The following USP34 variants were observed in gnomAD, a reference collection of about 807,000 sequenced individuals.
USP34 encodes the protein ubiquitin specific peptidase 34.
In USP34, 70 loss-of-function variants were observed where a neutral mutation model predicts 460.3. The ratio of observed to expected loss-of-function variants is 0.15; its 90% CI spans 0.13 to 0.19. USP34 has a LOEUF of 0.19. Among genes scored for constraint, USP34 ranks in the 10% least tolerant of loss-of-function variants. USP34 has a pLI of 1.00. For missense variants in USP34, 3,985 were observed against 4,236.2 expected, an observed-to-expected ratio of 0.94 and a Z score of 1.65; for synonymous variants, 1,647 against 1,405.3, an observed-to-expected ratio of 1.17 and a Z score of -3.85.
intron 1 of USP34, among the ~76,000 whole-genome samples, chr2:61,467,750 A>G: frequency 6.6e-6 from 1 of 150,648 alleles, no homozygotes; most frequent in Non-Finnish European, 1.5e-5. Context: ...CCTCCCAAGT[A>G]GCTGGGACTA....
chr2:61,375,037 C>CA (rs1209523578), intron 8 of USP34, among the ~76,000 whole-genome samples: 1 of 152,192 alleles, frequency 6.6e-6, no homozygotes, highest in Non-Finnish European at 1.5e-5. Flanking sequence ...ACACACAGAA[C>CA]AGTCTGTAGT....
chr2:61,419,717 T>C (rs761288734), intron 2 of USP34, among the ~76,000 whole-genome samples: 1 of 152,128 alleles, frequency 6.6e-6, no homozygotes, highest in Non-Finnish European at 1.5e-5. Context: ...GTTACAATAA[T>C]TAAAACTCAA....
At chr2:61,332,926 G>A (rs1223651542) in intron 19 of USP34, among the ~76,000 whole-genome samples, 1 of 152,022 alleles carries the variant, frequency 6.6e-6, no homozygotes, top group Non-Finnish European at 1.5e-5. Context: ...TGGAATTATA[G>A]TGCAGACTTC....
intron 8 of USP34, among the ~76,000 whole-genome samples, chr2:61,377,247 C>T (rs545135557): frequency 2.0e-5 from 3 of 152,090 alleles, no homozygotes; most frequent in African/African-American, 7.2e-5. Flanking sequence ...CTGGGATTAG[C>T]GCCTTAGAGC....
chr2:61,312,186 A>G (rs1690614429), intron 25 of USP34, among the ~76,000 whole-genome samples: 1 of 152,032 alleles, frequency 6.6e-6, no homozygotes, highest in Non-Finnish European at 1.5e-5. Flanking sequence ...TTTTTTTAAT[A>G]AAGAGAGTAG....
At chr2:61,455,776 T>C (rs150899440) in intron 1 of USP34, among the ~76,000 whole-genome samples, 2 of 152,372 alleles carry the variant, frequency 1.3e-5, no homozygotes, top group Admixed American at 1.3e-4. Flanking sequence ...ATATTTCTTA[T>C]GCTAGCACTG....
Position 61,265,496 on chromosome 2 carries a change from A to G in USP34, c.5679T>C (p.Phe1893=). The G allele has an allele frequency of 6.2e-7, 1 of 1,613,760 alleles. No individual in the cohort carries two copies. Among genetic ancestry groups the G allele is most frequent in the East Asian group, 2.2e-5 (1 of 44,842 alleles). ...TAGCTCCAAGGTTAGTAAGGCCAAC[A>G]AATCTACATTCAGCACGGACATCTT... ...PHEDVRAECR[F]VGLTNLGATC... The change falls in exon 43 of 80, where the codon TTT becomes TTC. Residue 1893 remains phenylalanine, a synonymous_variant. Coordinates refer to ENST00000398571, the MANE Select transcript of USP34 (RefSeq NM_014709.4).
At chr2:61,418,050 T>C (rs1420049740) in intron 2 of USP34, among the ~76,000 whole-genome samples, 1 of 151,222 alleles carries the variant, frequency 6.6e-6, no homozygotes, top group Non-Finnish European at 1.5e-5. Context: ...CTAAAATCTT[T>C]ATAATGCTTA....
At chr2:61,275,337 C>T (rs1168131561) in intron 41 of USP34, among the ~76,000 whole-genome samples, 1 of 152,124 alleles carries the variant, frequency 6.6e-6, no homozygotes, top group Non-Finnish European at 1.5e-5. Flanking sequence ...CCAAGCATGG[C>T]GGTGTGCGTT....
chr2:61,300,655 G>A (rs1318319219), intron 29 of USP34, among the ~76,000 whole-genome samples: 1 of 151,464 alleles, frequency 6.6e-6, no homozygotes, highest in Non-Finnish European at 1.5e-5. Context: ...AATTAGCCAG[G>A]TGTGGTTGCA....
chr2:61,293,187 A>G (rs1689915473), intron 33 of USP34, among the ~76,000 whole-genome samples: 2 of 152,002 alleles, frequency 1.3e-5, no homozygotes, highest in Admixed American at 6.5e-5. Flanking sequence ...CTTTATATAA[A>G]TATTAATATA....
In USP34 at chr2:61,408,713, T is replaced by G. The variant is rs554113278; in HGVS notation, c.132-2585A>C. On this transcript the variant is annotated intron_variant, in intron 2 of 79. Transcript: ENST00000398571. ...GGGTTTGACACCAGCCTGGCCAACA[T>G]GGTGAAACCTCTTCTCTACTAAAAA... Among the ~76,000 whole-genome samples, 11 of 151,730 alleles carry G rather than the reference T, an allele frequency of 7.2e-5. No individual in the cohort carries two copies. In the East Asian group the frequency reaches 2.0e-3, roughly 27 times the overall value.
intron 8 of USP34, among the ~76,000 whole-genome samples, chr2:61,376,656 G>A (rs573333968): frequency 2.6e-5 from 4 of 152,190 alleles, no homozygotes; most frequent in East Asian, 1.9e-4. Flanking sequence ...GTTTGTTTTG[G>A]TTTTTTTCTG....
intron 1 of USP34, among the ~76,000 whole-genome samples, chr2:61,468,379 C>A (rs913680250): frequency 6.6e-6 from 1 of 152,186 alleles, no homozygotes; most frequent in Non-Finnish European, 1.5e-5. Flanking sequence ...GACGGGGTTT[C>A]TCCATGTTAG....
At chr2:61,248,185 C>CAAAAAAAA (rs11339335) in intron 49 of USP34, among the ~76,000 whole-genome samples, 1 of 69,566 alleles carries the variant, frequency 1.4e-5, no homozygotes, top group Admixed American at 1.7e-4. Flanking sequence ...CTCAGAAGAC[C>CAAAAAAAA]AAAAAAAAAA....
chr2:61,354,154 A>C (rs1692037437), intron 10 of USP34, among the ~76,000 whole-genome samples: 1 of 152,202 alleles, frequency 6.6e-6, no homozygotes, highest in East Asian at 1.9e-4. Context: ...CAAATCCAAG[A>C]TGTTCAACAA....
At chr2:61,307,871 A>C (rs953821487) in intron 27 of USP34, among the ~76,000 whole-genome samples, 1 of 152,108 alleles carries the variant, frequency 6.6e-6, no homozygotes, top group South Asian at 2.1e-4. Flanking sequence ...CAACATGGCA[A>C]AACCCTGTCT....
At chr2:61,225,779 TAA>T (rs1470418816) in intron 62 of USP34, among the ~76,000 whole-genome samples, 1 of 152,226 alleles carries the variant, frequency 6.6e-6, no homozygotes, top group Non-Finnish European at 1.5e-5. Context: ...GTGTTTCTGT[TAA>T]AGATACCTTA....
chr2:61,212,912 A>G (rs1687308684), intron 68 of USP34, among the ~76,000 whole-genome samples: 1 of 152,222 alleles, frequency 6.6e-6, no homozygotes, highest in Non-Finnish European at 1.5e-5. Context: ...CTGAAACTTA[A>G]TAAATCCTAT....
Sources: allele counts gnomAD v4.1 joint callset (sites outside exome capture counted in the v4.1 genomes callset), GRCh38; gene constraint gnomAD v4.1.1; transcripts MANE v1.5; gene names NCBI Gene and HGNC (gene_info 2026-07-23, HGNC 2026-07-21).